SSUH2: variants seen among roughly 807,000 people sequenced by gnomAD.
The protein encoded by SSUH2 is ssu-2 homolog, also known as protein SSUH2 homolog.
Under a neutral mutation model 55.3 loss-of-function variants are expected in SSUH2, and 47 were observed. The ratio of observed to expected loss-of-function variants is 0.85; its 90% confidence interval spans 0.67 to 1.08. SSUH2 has a LOEUF of 1.08. Among genes scored for constraint, SSUH2 ranks in the 50% least tolerant of loss-of-function variants. The pLI, the probability that SSUH2 is intolerant of heterozygous loss-of-function variation, is 0.00. For missense variants in SSUH2, 535 were observed against 490.7 expected, an observed-to-expected ratio of 1.09 and a Z score of -0.85; for synonymous variants, 212 against 191.5, an observed-to-expected ratio of 1.11 and a Z score of -0.89.
chr3:8,667,412 T>C (rs920652670), intron 5 of SSUH2, among the ~76,000 whole-genome samples: 1 of 152,200 alleles, frequency 6.6e-6, no homozygotes, highest in Non-Finnish European at 1.5e-5. Context: ...TTTGTCACCA[T>C]CTTGGTTTTA....
chr3:8,634,527 A>C (rs1411191083), intron 3 of SSUH2: 12 of 1,289,628 alleles, frequency 9.3e-6, no homozygotes, highest in Non-Finnish European at 1.1e-5. Flanking sequence ...TATCTCCAGC[A>C]TCCTCCAGCC....
intron 1 of SSUH2, among the ~76,000 whole-genome samples, chr3:8,638,355 C>T (rs1700257760): frequency 6.6e-6 from 1 of 152,218 alleles, no homozygotes; most frequent in African/African-American, 2.4e-5. Context: ...ATAAGAAATA[C>T]TATCTGCCTC....
chr3:8,630,686 A>G, intron 6 of SSUH2, 119 bp downstream of exon 6: 1 of 934,206 alleles, frequency 1.1e-6, no homozygotes. Context: ...CCAACAAATG[A>G]AGCACCGGCC....
At chr3:8,629,048 A>T (rs1331954913) in intron 7 of SSUH2, among the ~76,000 whole-genome samples, 1 of 151,374 alleles carries the variant, frequency 6.6e-6, no homozygotes, top group East Asian at 1.9e-4. Flanking sequence ...TTTAGTAGAG[A>T]CGGGGTTTCA....
chr3:8,631,076 T>C (rs549487284), intron 5 of SSUH2, 147 bp from the exon 6 acceptor site: 68 of 816,670 alleles, frequency 8.3e-5, no homozygotes, highest in Non-Finnish European at 1.1e-4. Flanking sequence ...AAGGCCTTCC[T>C]TGGAGGCAGT....
chr3:8,621,374 G>T (rs377700861), intron 11 of SSUH2, among the ~76,000 whole-genome samples: 24 of 152,000 alleles, frequency 1.6e-4, no homozygotes, highest in Non-Finnish European at 3.2e-4. Flanking sequence ...CAGGCCGGGT[G>T]GGGGGCTGAG....
At chr3:8,666,587 CCACCGCAACA>C (rs1403103419) in intron 5 of SSUH2, among the ~76,000 whole-genome samples, 3 of 152,186 alleles carry the variant, frequency 2.0e-5, no homozygotes, top group African/African-American at 7.2e-5. Context: ...TGCTCTCATA[CCACCGCAACA>C]ATCATCAACA....
intron 10 of SSUH2, 44 bp downstream of exon 10, chr3:8,625,498 G>A (rs1284693357): frequency 3.2e-6 from 4 of 1,252,696 alleles, no homozygotes; most frequent in South Asian, 2.4e-5. Context: ...GAGAGCAGAG[G>A]AGGAACCCAG....
chr3:8,665,786 A>G (rs932643008), intron 5 of SSUH2, among the ~76,000 whole-genome samples: 5 of 152,246 alleles, frequency 3.3e-5, no homozygotes, highest in Non-Finnish European at 7.3e-5. Flanking sequence ...CCCTAAAAAT[A>G]GAATCTTTAT....
Position 8,633,808 on chromosome 3 carries a change from G to C in SSUH2, c.210-13C>G. 1 of 1,613,764 alleles carries C rather than the reference G, an allele frequency of 6.2e-7. No individual in the cohort carries two copies. The highest frequency in any genetic ancestry group is 1.1e-5 in the South Asian group (1 of 91,084). Reference sequence around the variant, plus strand: ...CATCGCAGGGACTCTGCAGGGGACCGAACAGAGAGGCGGGGGCTTCTGGGA... The same window carrying C: ...CATCGCAGGGACTCTGCAGGGGACCCAACAGAGAGGCGGGGGCTTCTGGGA... On this transcript the variant is annotated splice_polypyrimidine_tract_variant and intron_variant, in intron 3 of 11. Coordinates refer to ENST00000544814, the MANE Select transcript of SSUH2 (RefSeq NM_001256748.3).
At chr3:8,653,425 A>G (rs1702628683) in intron 7 of SSUH2, among the ~76,000 whole-genome samples, 1 of 152,266 alleles carries the variant, frequency 6.6e-6, no homozygotes, top group Admixed American at 6.5e-5. Flanking sequence ...GTGTGCATAC[A>G]CTTAGAATTT....
At chr3:8,675,886 G>C in intron 3 of SSUH2, among the ~76,000 whole-genome samples, 1 of 152,120 alleles carries the variant, frequency 6.6e-6, no homozygotes, top group East Asian at 1.9e-4. Flanking sequence ...GAGAAAAGAT[G>C]GCAGCTGGAC....
At chr3:8,665,729 A>G (rs2125385999) in intron 5 of SSUH2, among the ~76,000 whole-genome samples, 1 of 152,294 alleles carries the variant, frequency 6.6e-6, no homozygotes, top group South Asian at 2.1e-4. Context: ...ATCATTACTC[A>G]AAACAAAGCA....
intron 7 of SSUH2, among the ~76,000 whole-genome samples, chr3:8,657,042 G>A (rs910558108): frequency 5.3e-5 from 8 of 152,036 alleles, no homozygotes; most frequent in Admixed American, 1.3e-4. Flanking sequence ...CATCACACCC[G>A]GCCAATTTTT....
intron 1 of SSUH2, among the ~76,000 whole-genome samples, chr3:8,642,150 C>A (rs993577047): frequency 6.6e-6 from 1 of 152,186 alleles, no homozygotes; most frequent in Non-Finnish European, 1.5e-5. Flanking sequence ...CTTTTGCTCA[C>A]CATTTCTGGA....
At chr3:8,643,821 C>T (rs1211036165) in intron 1 of SSUH2, among the ~76,000 whole-genome samples, 3 of 152,120 alleles carry the variant, frequency 2.0e-5, no homozygotes, top group Non-Finnish European at 2.9e-5. Flanking sequence ...TTGCCCACAC[C>T]CTCATGGTCC....
At chr3:8,654,014 TGC>T (rs1449168430) in intron 7 of SSUH2, among the ~76,000 whole-genome samples, 4 of 152,238 alleles carry the variant, frequency 2.6e-5, no homozygotes, top group African/African-American at 7.2e-5. Flanking sequence ...CAGCTCAGGC[TGC>T]CATGACAACA....
chr3:8,642,488 C>T (rs1701020422), intron 1 of SSUH2, among the ~76,000 whole-genome samples: 1 of 152,174 alleles, frequency 6.6e-6, no homozygotes, highest in African/African-American at 2.4e-5. Flanking sequence ...GAAATAGAAC[C>T]AGACCATCAC....
intron 7 of SSUH2, among the ~76,000 whole-genome samples, chr3:8,653,202 C>T (rs1197866202): frequency 6.6e-6 from 1 of 152,234 alleles, no homozygotes; most frequent in Non-Finnish European, 1.5e-5. Flanking sequence ...TAATCACAGA[C>T]CTCAGAGCAA....
Sources: gnomAD v4.1 joint callset for allele counts (sites outside exome capture counted in the v4.1 genomes callset) on GRCh38, gnomAD v4.1.1 for gene constraint, MANE v1.5 for transcripts, NCBI Gene and HGNC (gene_info 2026-07-23, HGNC 2026-07-21) for gene names.